DOK6: variants seen among roughly 807,000 people sequenced by gnomAD.
DOK6 encodes docking protein 6, also known as downstream of tyrosine kinase 6.
DOK6 carries 22 observed loss-of-function variants against 44.0 expected under a neutral mutation model. That is an observed-to-expected ratio of 0.50 (90% CI 0.36 to 0.71). The LOEUF (loss-of-function observed/expected upper bound fraction) is 0.71, where lower values mean the gene tolerates loss of function less well. Among genes scored for constraint, DOK6 ranks in the 30% least tolerant of loss-of-function variants. DOK6 has a pLI of 0.00. For synonymous variants in DOK6, 166 were observed against 145.5 expected (o/e 1.14, Z -1.01); for missense variants, 340 against 416.4 (o/e 0.82, Z 1.60).
intron 2 of DOK6, among the ~76,000 whole-genome samples, chr18:69,574,470 T>C (rs1983191007): frequency 1.3e-5 from 2 of 152,080 alleles, no homozygotes; most frequent in African/African-American, 4.8e-5. Flanking sequence ...CAACTAGGAC[T>C]TTACCAAGGA....
At chr18:69,828,155 A>G (rs1981796431) in intron 7 of DOK6, among the ~76,000 whole-genome samples, 1 of 151,880 alleles carries the variant, frequency 6.6e-6, no homozygotes, top group Non-Finnish European at 1.5e-5. Context: ...ATTCTTTATG[A>G]CTGAGACTTT....
chr18:69,612,598 TG>T (rs1984185931), intron 3 of DOK6, among the ~76,000 whole-genome samples: 2 of 49,550 alleles, frequency 4.0e-5, no homozygotes, highest in African/African-American at 1.7e-4. Context: ...TCTCCTGCTT[TG>T]TTCCCCCTCA....
chr18:69,618,284 G>C (rs1348073657), intron 3 of DOK6, among the ~76,000 whole-genome samples: 1 of 152,142 alleles, frequency 6.6e-6, no homozygotes, highest in African/African-American at 2.4e-5. Context: ...GAGCTCTTCC[G>C]AATCAATTGT....
chr18:69,739,214 G>A, intron 6 of DOK6, 111 bp downstream of exon 6: 1 of 1,434,938 alleles, frequency 7.0e-7, no homozygotes, highest in Non-Finnish European at 9.5e-7. Flanking sequence ...TGTCCACCCT[G>A]CCCTGATCCT....
At chr18:69,695,985 T>TAG (rs1374141693) in intron 4 of DOK6, among the ~76,000 whole-genome samples, 3 of 152,076 alleles carry the variant, frequency 2.0e-5, no homozygotes, top group Non-Finnish European at 4.4e-5. Flanking sequence ...TGGTATTGAC[T>TAG]AGAGATGGCC....
chr18:69,689,312 A>G (rs888421023), intron 4 of DOK6, among the ~76,000 whole-genome samples: 5 of 152,266 alleles, frequency 3.3e-5, no homozygotes, highest in Admixed American at 3.3e-4. Flanking sequence ...ACATTCCATT[A>G]TATTTCACAA....
intron 1 of DOK6, among the ~76,000 whole-genome samples, chr18:69,423,568 A>G (rs1978555559): frequency 6.6e-6 from 1 of 152,214 alleles, no homozygotes; most frequent in African/African-American, 2.4e-5. Context: ...CCTTGATTGC[A>G]TGTATACATG....
intron 1 of DOK6, among the ~76,000 whole-genome samples, chr18:69,558,642 A>G (rs1982749226): frequency 6.6e-6 from 1 of 152,264 alleles, no homozygotes; most frequent in African/African-American, 2.4e-5. Flanking sequence ...AATTAAGACA[A>G]ACAGAAATGA....
At position 69,847,765 on chromosome 18, in the gene DOK6, A is replaced by AC. The variant is rs774857273; in HGVS notation, c.*6382_*6383insC. 1 of 37,104 alleles carries AC rather than the reference A, an allele frequency of 2.7e-5. No individual in the cohort carries two copies. The highest frequency in any genetic ancestry group is 2.9e-3 in the East Asian group (1 of 348). 2.3% of individuals were successfully genotyped at this position (37,104 alleles called of 1,614,324 possible). On this transcript the variant is annotated 3_prime_UTR_variant, in exon 8 of 8. Transcript: ENST00000382713. Reference sequence around the variant, plus strand: ...CAAGAAATAATGCTTACTCTTGTAAAAAAAAAAAATATATATATATGTATC... The same window carrying AC: ...CAAGAAATAATGCTTACTCTTGTAAACAAAAAAAAATATATATATATGTATC...
At chr18:69,581,202 C>T (rs189320898) in intron 2 of DOK6, among the ~76,000 whole-genome samples, 3 of 152,178 alleles carry the variant, frequency 2.0e-5, no homozygotes, top group Admixed American at 6.5e-5. Flanking sequence ...TCTTGGAGGA[C>T]GTTTTAGAAT....
intron 7 of DOK6, among the ~76,000 whole-genome samples, chr18:69,766,676 G>A (rs1979726406): frequency 6.6e-6 from 1 of 152,222 alleles, no homozygotes; most frequent in African/African-American, 2.4e-5. Flanking sequence ...TGAGGAGGAG[G>A]AGGAAGAGGA....
chr18:69,579,559 A>G lies in DOK6; in HGVS notation c.174+14965A>G, dbSNP rs534833160. Among the ~76,000 whole-genome samples the G allele has an allele frequency of 2.1e-5, 3 of 141,508 alleles. No individual in the cohort carries two copies. In the South Asian group the frequency reaches 7.2e-4, roughly 34 times the overall value. The allele number at this position is 141,508 out of a possible 152,430, so 92.8% of individuals were successfully genotyped here. ...CAACTCTCCGAAGGTGGGCCAAAAG[A>G]AGCCAACTTTTCTTTTTTTTTTTGA... On this transcript the variant is annotated intron_variant, in intron 2 of 7. Transcript: ENST00000382713.
chr18:69,545,203 G>T (rs1036991085), intron 1 of DOK6, among the ~76,000 whole-genome samples: 1 of 150,842 alleles, frequency 6.6e-6, no homozygotes, highest in Admixed American at 6.6e-5. Flanking sequence ...TATTTATTCC[G>T]CATCATTTCA....
chr18:69,525,860 G>A (rs986158031), intron 1 of DOK6, among the ~76,000 whole-genome samples: 4 of 151,968 alleles, frequency 2.6e-5, no homozygotes, highest in Non-Finnish European at 4.4e-5. Context: ...ATTTAAAAAC[G>A]CTACAACTTT....
intron 3 of DOK6, among the ~76,000 whole-genome samples, chr18:69,674,740 GCATAGCTC>G (rs991374966): frequency 3.9e-5 from 6 of 152,008 alleles, no homozygotes; most frequent in African/African-American, 1.2e-4. Flanking sequence ...TGAGCCTTTG[GCATAGCTC>G]CTCAGTTTCT....
intron 3 of DOK6, among the ~76,000 whole-genome samples, chr18:69,656,313 G>A (rs1470863319): frequency 1.3e-5 from 2 of 152,158 alleles, no homozygotes; most frequent in Admixed American, 1.3e-4. Flanking sequence ...GATCTTTACA[G>A]AAAGGAGTAC....
intron 7 of DOK6, among the ~76,000 whole-genome samples, chr18:69,828,744 G>A (rs1981813199): frequency 6.6e-6 from 1 of 150,412 alleles, no homozygotes; most frequent in Non-Finnish European, 1.5e-5. Flanking sequence ...TTAAATGATA[G>A]GCAGTTTTCC....
rs563828580 is a variant in DOK6 at position 69,526,842 on chromosome 18, C to T, written c.67-37645C>T. ...GGAAATATATCTGTGTTCACTAACA[C>T]ATGTATATACATATATCCGTAAATA... On this transcript the variant is annotated intron_variant, in intron 1 of 7. Transcript: ENST00000382713. 2.6e-5 allele frequency among the ~76,000 whole-genome samples: 4 copies of T among 152,284 alleles called. No individual in the cohort carries two copies. The East Asian group carries it at 7.7e-4, about 29-fold the overall frequency.
At chr18:69,459,992 C>T (rs1202027559) in intron 1 of DOK6, among the ~76,000 whole-genome samples, 3 of 151,972 alleles carry the variant, frequency 2.0e-5, no homozygotes, top group Non-Finnish European at 4.4e-5. Flanking sequence ...AATTTATAAC[C>T]AATTTATCTC....
Sources: allele counts gnomAD v4.1 joint callset (sites outside exome capture counted in the v4.1 genomes callset), GRCh38; gene constraint gnomAD v4.1.1; transcripts MANE v1.5; gene names NCBI Gene and HGNC (gene_info 2026-07-23, HGNC 2026-07-21).